Variants in ST6GALNAC3 observed in about 807,000 individuals in gnomAD.
The protein encoded by ST6GALNAC3 is ST6 N-acetylgalactosaminide alpha-2,6-sialyltransferase 3.
In ST6GALNAC3, 25 loss-of-function variants were observed where a neutral mutation model predicts 32.7. The observed-to-expected ratio is 0.76, with a 90% CI of 0.56 to 1.07. The LOEUF (loss-of-function observed/expected upper bound fraction) is 1.07. Among genes scored for constraint, ST6GALNAC3 ranks in the 50% least tolerant of loss-of-function variants. The pLI is 0.00. For missense variants in ST6GALNAC3, 355 were observed against 382.4 expected, an observed-to-expected ratio of 0.93 and a Z score of 0.60; for synonymous variants, 129 against 133.1, an observed-to-expected ratio of 0.97 and a Z score of 0.21.
chr1:76,607,203 G>C (rs986213564), intron 3 of ST6GALNAC3, among the ~76,000 whole-genome samples: 1 of 152,186 alleles, frequency 6.6e-6, no homozygotes, highest in African/African-American at 2.4e-5. Flanking sequence ...AAGGGCAAAG[G>C]ATGTGAGAAC....
intron 1 of ST6GALNAC3, among the ~76,000 whole-genome samples, chr1:76,250,334 G>A (rs971912538): frequency 3.9e-5 from 6 of 152,178 alleles, no homozygotes; most frequent in Admixed American, 6.5e-5. Flanking sequence ...ATAGCTAGCC[G>A]GTGGTGTGAG....
intron 3 of ST6GALNAC3, among the ~76,000 whole-genome samples, chr1:76,586,004 G>C (rs918913671): frequency 5.9e-5 from 9 of 152,234 alleles, no homozygotes; most frequent in East Asian, 5.8e-4. Flanking sequence ...AACCAAAAAT[G>C]CTTAAAATTA....
intron 1 of ST6GALNAC3, among the ~76,000 whole-genome samples, chr1:76,127,672 G>A (rs1649341577): frequency 6.6e-6 from 1 of 152,106 alleles, no homozygotes; most frequent in Non-Finnish European, 1.5e-5. Flanking sequence ...TCGAATGTTG[G>A]AATAAAGTCT....
rs748034943 is a variant in ST6GALNAC3, at chr1:76,632,410, A to G, written c.*3604A>G. Reference sequence around the variant, plus strand: ...CGATTGCAGGCTTAGCTAAAGTCACATTGAAAAACATTGCATCAAGCTTCA... The same window carrying G: ...CGATTGCAGGCTTAGCTAAAGTCACGTTGAAAAACATTGCATCAAGCTTCA... On this transcript the variant is annotated 3_prime_UTR_variant, in exon 5 of 5. Coordinates refer to ENST00000328299, the MANE Select transcript of ST6GALNAC3 (RefSeq NM_152996.4). 1 of 152,214 alleles carries G rather than the reference A, an allele frequency of 6.6e-6. No individual in the cohort carries two copies. Among genetic ancestry groups the G allele is most frequent in the African/African-American group, 2.4e-5 (1 of 41,452 alleles). 9.4% of individuals were successfully genotyped at this position (152,214 alleles called of 1,614,324 possible).
chr1:76,170,779 C>T (rs895179552), intron 1 of ST6GALNAC3, among the ~76,000 whole-genome samples: 43 of 152,230 alleles, frequency 2.8e-4, no homozygotes, highest in South Asian at 1.5e-3. Context: ...TTTATTGATC[C>T]GAGCACAAAG....
intron 1 of ST6GALNAC3, 48 bp downstream of exon 1, chr1:76,074,932 G>A (rs201182627): frequency 4.1e-5 from 65 of 1,572,568 alleles, no homozygotes; most frequent in Middle Eastern, 3.3e-4. Context: ...CCAGCCCCTT[G>A]CTGCTCAGAG....
At chr1:76,216,539 C>A (rs1327198893) in intron 1 of ST6GALNAC3, among the ~76,000 whole-genome samples, 1 of 152,196 alleles carries the variant, frequency 6.6e-6, no homozygotes, top group Non-Finnish European at 1.5e-5. Flanking sequence ...AGAATGCCAC[C>A]TAATTTGTAT....
chr1:76,542,682 C>T (rs189766682), intron 3 of ST6GALNAC3, among the ~76,000 whole-genome samples: 3 of 152,178 alleles, frequency 2.0e-5, no homozygotes, highest in East Asian at 1.9e-4. Flanking sequence ...TTCAGTTGCA[C>T]CCATTGTAAT....
intron 2 of ST6GALNAC3, among the ~76,000 whole-genome samples, chr1:76,324,446 C>T (rs1428942750): frequency 2.6e-5 from 4 of 152,100 alleles, no homozygotes; most frequent in Admixed American, 2.0e-4. Context: ...AGTATATACC[C>T]TTGGTATGAT....
chr1:76,186,475 A>G (rs1653563158), intron 1 of ST6GALNAC3, among the ~76,000 whole-genome samples: 1 of 152,084 alleles, frequency 6.6e-6, no homozygotes, highest in Non-Finnish European at 1.5e-5. Context: ...GGAAAAAAAA[A>G]GCAGTATTTT....
At chr1:76,502,953 T>C (rs1661262099) in intron 3 of ST6GALNAC3, among the ~76,000 whole-genome samples, 1 of 152,166 alleles carries the variant, frequency 6.6e-6, no homozygotes, top group Non-Finnish European at 1.5e-5. Flanking sequence ...TGTAGGACTA[T>C]TATAAGGATG....
chr1:76,146,747 A>C (rs927123829), intron 1 of ST6GALNAC3, among the ~76,000 whole-genome samples: 2 of 152,258 alleles, frequency 1.3e-5, no homozygotes, highest in African/African-American at 4.8e-5. Context: ...TAATTTAGAC[A>C]GTTAAATATC....
rs536796904 is a variant in ST6GALNAC3, at chr1:76,509,779, C to T, written c.623+97362C>T. On this transcript the variant is annotated intron_variant, in intron 3 of 4. Transcript: ENST00000328299. The surrounding 1 kb of genome is among the most constrained non-coding windows in gnomAD (Gnocchi z 5.5). The stretch of plus-strand genomic sequence containing the variant: ...GCCCCACTCCACCAATTTCTGCTTC[C>T]ATTCTCACATATCTTTTCCTCACAT... Among the ~76,000 whole-genome samples the T allele has an allele frequency of 2.6e-5, 4 of 152,260 alleles. No individual in the cohort carries two copies. Among genetic ancestry groups the T allele is most frequent in the Non-Finnish European group, 5.9e-5 (4 of 68,020 alleles).
intron 3 of ST6GALNAC3, among the ~76,000 whole-genome samples, chr1:76,540,539 G>T (rs1663927485): frequency 2.0e-5 from 3 of 152,036 alleles, no homozygotes; most frequent in South Asian, 2.1e-4. Context: ...TAATTTTGGG[G>T]AGTACCATAG....
chr1:76,414,063 G>A (rs1216954914), intron 3 of ST6GALNAC3, among the ~76,000 whole-genome samples: 5 of 152,008 alleles, frequency 3.3e-5, no homozygotes, highest in South Asian at 2.1e-4. Context: ...GACTTTTGCC[G>A]TGAGCTTTGA....
At chr1:76,422,657 A>G (rs1011530418) in intron 3 of ST6GALNAC3, among the ~76,000 whole-genome samples, 2 of 152,102 alleles carry the variant, frequency 1.3e-5, no homozygotes, top group East Asian at 1.9e-4. Flanking sequence ...TTGAGGCCCA[A>G]GAGTTTGCAT....
intron 1 of ST6GALNAC3, among the ~76,000 whole-genome samples, chr1:76,119,335 AATTGAAACAATGAT>A (rs1223476531): frequency 2.6e-5 from 4 of 152,246 alleles, no homozygotes; most frequent in Non-Finnish European, 4.4e-5. Context: ...CCTCGTGAAT[AATTGAAACAATGAT>A]TGTTAAGTCC....
rs144799762 is a variant in ST6GALNAC3 at position 76,361,727 on chromosome 1, C to T, written c.213+47728C>T. On this transcript the variant is annotated intron_variant, in intron 2 of 4. Coordinates refer to ENST00000328299, the MANE Select transcript of ST6GALNAC3 (RefSeq NM_152996.4). The stretch of plus-strand genomic sequence containing the variant: ...GGCATGGTGGCTTATGCCTGTAATC[C>T]CAGCACTTTGGGATGCTGAAGCAGG... Among the ~76,000 whole-genome samples the T allele has an allele frequency of 1.8e-4, 27 of 152,142 alleles. 1 individual carries two copies. In the East Asian group the frequency reaches 5.0e-3, roughly 28 times the overall value.
chr1:76,111,430 T>C (rs1241638076), intron 1 of ST6GALNAC3, among the ~76,000 whole-genome samples: 1 of 129,536 alleles, frequency 7.7e-6, no homozygotes, highest in Non-Finnish European at 1.6e-5. Context: ...CCAAATGACA[T>C]TTTTTTTTTT....
Sources: gnomAD v4.1 joint callset for allele counts (sites outside exome capture counted in the v4.1 genomes callset) on GRCh38, gnomAD v4.1.1 for gene constraint, Gnocchi (gnomAD v3.1) non-coding constraint, MANE v1.5 for transcripts, NCBI Gene and HGNC (gene_info 2026-07-23, HGNC 2026-07-21) for gene names.